EDIL3: variants seen among roughly 807,000 people sequenced by gnomAD.
EDIL3 encodes the protein EGF-like repeat and discoidin I-like domain-containing protein 3.
A neutral mutation model predicts 67.4 loss-of-function variants in EDIL3; 37 were observed. The ratio of observed to expected loss-of-function variants is 0.55; its 90% confidence interval spans 0.42 to 0.72. The LOEUF is 0.72. Ranked by LOEUF, EDIL3 falls within the 30% of genes least tolerant of loss-of-function variation. EDIL3 has a pLI of 0.00. For synonymous variants in EDIL3, 195 were observed against 196.3 expected (o/e 0.99, Z 0.05); for missense variants, 527 against 586.3 (o/e 0.90, Z 1.04).
intron 2 of EDIL3, among the ~76,000 whole-genome samples, chr5:84,234,417 A>T (rs1244548071): frequency 6.6e-6 from 1 of 152,154 alleles, no homozygotes; most frequent in Admixed American, 6.5e-5. Flanking sequence ...CCCCACAAGT[A>T]TCAACTGTGA....
chr5:84,219,789 G>T (rs1470460747), intron 3 of EDIL3, among the ~76,000 whole-genome samples: 1 of 152,116 alleles, frequency 6.6e-6, no homozygotes, highest in African/African-American at 2.4e-5. Flanking sequence ...TCATAAAAAA[G>T]AATGAGATCC....
chr5:84,298,095 TC>T (rs1202633759), intron 1 of EDIL3, among the ~76,000 whole-genome samples: 1 of 152,112 alleles, frequency 6.6e-6, no homozygotes, highest in Non-Finnish European at 1.5e-5. Context: ...CTCAGCTTTT[TC>T]CAACACCATT....
At chr5:84,181,627 C>T (rs1044607146) in intron 3 of EDIL3, among the ~76,000 whole-genome samples, 1 of 152,244 alleles carries the variant, frequency 6.6e-6, no homozygotes, top group Non-Finnish European at 1.5e-5. Context: ...CAGACATTCC[C>T]CCCAAAAATC....
At chr5:84,106,945 AT>A in intron 5 of EDIL3, 115 bp from the exon 6 acceptor site, 1 of 1,139,360 alleles carries the variant, frequency 8.8e-7, no homozygotes, top group East Asian at 2.5e-5. Context: ...CCACCATGCT[AT>A]TTACTCTTCA....
intron 6 of EDIL3, among the ~76,000 whole-genome samples, chr5:84,102,723 A>G (rs1347933501): frequency 6.6e-6 from 1 of 152,148 alleles, no homozygotes; most frequent in Non-Finnish European, 1.5e-5. Flanking sequence ...AAGAAATCAG[A>G]GATAACACAA....
chr5:83,943,717 A>G, intron 10 of EDIL3, 149 bp from the exon 11 acceptor site: 1 of 862,796 alleles, frequency 1.2e-6, no homozygotes, highest in African/African-American at 1.7e-5. Flanking sequence ...CTTCTTTTTA[A>G]TAATAATTAT....
chr5:84,263,970 T>C (rs1745291494), intron 1 of EDIL3, among the ~76,000 whole-genome samples: 1 of 152,202 alleles, frequency 6.6e-6, no homozygotes, highest in African/African-American at 2.4e-5. Context: ...CCAGGAATGA[T>C]GGCTCATGCC....
chr5:84,076,285 T>C (rs1360070726), intron 6 of EDIL3, among the ~76,000 whole-genome samples: 1 of 152,102 alleles, frequency 6.6e-6, no homozygotes, highest in Non-Finnish European at 1.5e-5. Context: ...AAAGAAGAGA[T>C]GACTTAGCAA....
At chr5:84,312,500 G>C (rs1244103157) in intron 1 of EDIL3, among the ~76,000 whole-genome samples, 3 of 136,962 alleles carry the variant, frequency 2.2e-5, no homozygotes, top group African/African-American at 8.4e-5. Flanking sequence ...GCGGCTGGCC[G>C]GGCAGGGGGC....
At chr5:84,066,031 G>C (rs1170646767) in intron 7 of EDIL3, among the ~76,000 whole-genome samples, 1 of 151,600 alleles carries the variant, frequency 6.6e-6, no homozygotes, top group East Asian at 1.9e-4. Context: ...AGGAGAATGG[G>C]GTGAACCTGG....
chr5:84,370,320 G>A (rs192169112), intron 1 of EDIL3, among the ~76,000 whole-genome samples: 49 of 152,228 alleles, frequency 3.2e-4, no homozygotes, highest in Non-Finnish European at 5.3e-4. Flanking sequence ...TCAGCTCCTC[G>A]GCAGACACAG....
At chr5:84,293,341 T>C (rs546275985) in intron 1 of EDIL3, among the ~76,000 whole-genome samples, 2 of 152,154 alleles carry the variant, frequency 1.3e-5, no homozygotes, top group African/African-American at 2.4e-5. Flanking sequence ...AATTTTAAAG[T>C]TGGGTAACGT....
At chr5:84,234,134 G>C (rs1744635382) in intron 2 of EDIL3, among the ~76,000 whole-genome samples, 1 of 152,144 alleles carries the variant, frequency 6.6e-6, no homozygotes, top group Non-Finnish European at 1.5e-5. Context: ...AATTATCTGA[G>C]GCAGCTGAGA....
At chr5:83,951,272 T>C (rs1744416162) in intron 10 of EDIL3, among the ~76,000 whole-genome samples, 2 of 151,926 alleles carry the variant, frequency 1.3e-5, no homozygotes, top group Admixed American at 1.3e-4. Flanking sequence ...TCTCAAGAAA[T>C]TTCTTGTGGC....
At chr5:84,302,966 A>G (rs1190027746) in intron 1 of EDIL3, among the ~76,000 whole-genome samples, 1 of 126,112 alleles carries the variant, frequency 7.9e-6, no homozygotes, top group African/African-American at 2.7e-5. Flanking sequence ...ATTGAATCAA[A>G]ATCAGAGAGA....
chr5:84,229,061 T>C (rs1744508026), intron 3 of EDIL3, among the ~76,000 whole-genome samples: 1 of 151,488 alleles, frequency 6.6e-6, no homozygotes, highest in Non-Finnish European at 1.5e-5. Context: ...CTTGACTCTA[T>C]TTTTTTTTCT....
chr5:84,259,283 T>A (rs1403728173), intron 1 of EDIL3, among the ~76,000 whole-genome samples: 1 of 152,060 alleles, frequency 6.6e-6, no homozygotes, highest in Non-Finnish European at 1.5e-5. Flanking sequence ...AAAACTGCAA[T>A]GACAACCAGT....
In EDIL3 at chr5:84,028,750, A is replaced by AAT. The variant is rs751739507; in HGVS notation, c.1137+31548_1137+31549dup. Among the ~76,000 whole-genome samples, 195 of 151,816 alleles carry AAT rather than the reference A, an allele frequency of 1.3e-3. 1 individual carries two copies. The highest frequency in any genetic ancestry group is 6.2e-3 in the South Asian group (30 of 4,802). On this transcript the variant is annotated intron_variant, in intron 9 of 10. Transcript: ENST00000296591. ...ATATTCATGTAAACACGGAGTCTTA[A>AAT]ATATATATATATACATAGATATACT...
At chr5:84,281,201 T>C (rs1480122826) in intron 1 of EDIL3, among the ~76,000 whole-genome samples, 1 of 152,192 alleles carries the variant, frequency 6.6e-6, no homozygotes, top group Non-Finnish European at 1.5e-5. Context: ...TTCTATTTCT[T>C]ACCTTTACTG....
Sources: allele counts gnomAD v4.1 joint callset (sites outside exome capture counted in the v4.1 genomes callset), GRCh38; gene constraint gnomAD v4.1.1; transcripts MANE v1.5; gene names NCBI Gene and HGNC (gene_info 2026-07-23, HGNC 2026-07-21).